CHPT1: variants seen among roughly 807,000 people sequenced by gnomAD.
The protein encoded by CHPT1 is cholinephosphotransferase 1.
CHPT1 carries 36 observed loss-of-function variants against 47.6 expected under a neutral mutation model. The ratio of observed to expected loss-of-function variants is 0.76; its 90% CI spans 0.58 to 1.00. The LOEUF (loss-of-function observed/expected upper bound fraction) is 1.00. Among genes scored for constraint, CHPT1 ranks in the 50% least tolerant of loss-of-function variants. The pLI is 0.00. For missense variants in CHPT1, 458 were observed against 498.1 expected, an observed-to-expected ratio of 0.92 and a Z score of 0.77; for synonymous variants, 194 against 186.3, an observed-to-expected ratio of 1.04 and a Z score of -0.33.
At chr12:101,712,561 C>T (rs1370601877) in intron 1 of CHPT1, among the ~76,000 whole-genome samples, 1 of 148,306 alleles carries the variant, frequency 6.7e-6, no homozygotes, top group Non-Finnish European at 1.5e-5. Context: ...TCTGTTGTCC[C>T]ACCACTCGCC....
In CHPT1 at chr12:101,728,890, A is replaced by G; in HGVS notation, c.1177-11A>G. On this transcript the variant is annotated splice_polypyrimidine_tract_variant and intron_variant, in intron 8 of 8. Coordinates refer to ENST00000229266, the MANE Select transcript of CHPT1 (RefSeq NM_020244.3). ...TCTTAGCTAACGTTATAATTGTATC[A>G]TATTACTTAGGTTCAAGTTCTTTCT... 1 of 1,613,142 alleles carries G rather than the reference A, an allele frequency of 6.2e-7. No individual in the cohort carries two copies. The highest frequency in any genetic ancestry group is 8.5e-7 in the Non-Finnish European group (1 of 1,179,468).
intron 4 of CHPT1, chr12:101,719,662 C>A: frequency 2.7e-6 from 1 of 372,920 alleles, no homozygotes; most frequent in Non-Finnish European, 4.8e-6. Context: ...CTACTAAATT[C>A]AAATGAACTA....
chr12:101,713,796 A>T (rs955053125), intron 1 of CHPT1, among the ~76,000 whole-genome samples: 1 of 152,128 alleles, frequency 6.6e-6, no homozygotes, highest in Non-Finnish European at 1.5e-5. Flanking sequence ...TCTGTGGCAT[A>T]ATGCATAGTA....
chr12:101,713,129 T>C (rs771769563), intron 1 of CHPT1, among the ~76,000 whole-genome samples: 2 of 148,758 alleles, frequency 1.3e-5, no homozygotes, highest in Non-Finnish European at 3.0e-5. Context: ...AATTTATGCC[T>C]GCTGGTAAGG....
chr12:101,717,157 C>A, intron 4 of CHPT1: 2 of 368,852 alleles, frequency 5.4e-6, no homozygotes, highest in Non-Finnish European at 1.1e-5. Flanking sequence ...AAAATAAATC[C>A]AGTAAAATGT....
rs199582822 is a variant in CHPT1 at position 101,716,812 on chromosome 12, G to A, written c.648G>A (p.Thr216=). ...GAGGAGCAACAATGTGGGACTATAC[G>A]GTAAATCTGAATATTTAAATTTATA... The part of the protein sequence containing the change: ...AFGGATMWDY[T]IPILEIKLKI... The change falls in exon 4 of 9, where the codon ACG becomes ACA. Residue 216 remains threonine, a splice_region_variant and synonymous_variant. Coordinates refer to ENST00000229266, the MANE Select transcript of CHPT1 (RefSeq NM_020244.3). 5.2e-6 allele frequency: 8 copies of A among 1,536,974 alleles called. No individual in the cohort carries two copies. Among genetic ancestry groups the A allele is most frequent in the South Asian group, 2.5e-5 (2 of 80,626 alleles).
chr12:101,720,310 C>A, intron 5 of CHPT1, 56 bp downstream of exon 5: 1 of 1,437,550 alleles, frequency 7.0e-7, no homozygotes, highest in Non-Finnish European at 9.5e-7. Context: ...TTCTTATCAC[C>A]AGTTATAAAA....
rs1486548170 is a variant in CHPT1, at chr12:101,728,920, A to C, written c.1196A>C (p.Lys399Thr). 1 of 1,613,386 alleles carries C rather than the reference A, an allele frequency of 6.2e-7. No homozygotes were observed. The change falls in exon 9 of 9, where the codon AAG becomes ACG. Residue 399 changes from lysine (K) to threonine (T), a missense_variant. Lys to Thr is a moderately conservative substitution (Grantham distance 78). Coordinates refer to ENST00000229266, the MANE Select transcript of CHPT1 (RefSeq NM_020244.3). Reference sequence around the variant, plus strand: ...ACTTAGGTTCAAGTTCTTTCTTCAAAGAGTCATCAGAATAACATGGATTGA... The same window carrying C: ...ACTTAGGTTCAAGTTCTTTCTTCAACGAGTCATCAGAATAACATGGATTGA... ...APEQVQVLSS[K>T]SHQNNMD
intron 5 of CHPT1, among the ~76,000 whole-genome samples, chr12:101,722,877 C>T (rs867808801): frequency 1.3e-4 from 20 of 152,138 alleles, no homozygotes; most frequent in Non-Finnish European, 2.2e-4. Context: ...GGACTGCCTT[C>T]GATGTAGTAA....
chr12:101,717,959 A>T (rs1207794912), intron 4 of CHPT1, among the ~76,000 whole-genome samples: 1 of 152,246 alleles, frequency 6.6e-6, no homozygotes, highest in African/African-American at 2.4e-5. Flanking sequence ...CGAGGAACTT[A>T]TGGAGTTCCA....
chr12:101,719,149 G>A (rs113131634), intron 4 of CHPT1, among the ~76,000 whole-genome samples: 235 of 91,928 alleles, frequency 2.6e-3, no homozygotes, highest in African/African-American at 0.011. Flanking sequence ...CAAGAGACTC[G>A]TCTCAAGAAA....
At chr12:101,721,830 G>A (rs1472850907) in intron 5 of CHPT1, among the ~76,000 whole-genome samples, 3 of 152,100 alleles carry the variant, frequency 2.0e-5, no homozygotes, top group Non-Finnish European at 4.4e-5. Flanking sequence ...GGAGGCCGAG[G>A]CGGGCAGATC....
At chr12:101,700,260 A>G (rs553229339) in intron 1 of CHPT1, among the ~76,000 whole-genome samples, 1 of 151,560 alleles carries the variant, frequency 6.6e-6, no homozygotes, top group East Asian at 2.0e-4. Flanking sequence ...CTAGGGAAGT[A>G]AAGGGAGGCC....
chr12:101,714,403 A>G (rs1297414328), intron 2 of CHPT1, 101 bp from the exon 3 acceptor site: 1 of 1,196,400 alleles, frequency 8.4e-7, no homozygotes, highest in Non-Finnish European at 1.2e-6. Context: ...TTTTAATGCC[A>G]TGATTATTTC....
chr12:101,720,474 C>G (rs1166863044), intron 5 of CHPT1, among the ~76,000 whole-genome samples: 1 of 152,170 alleles, frequency 6.6e-6, no homozygotes, highest in Non-Finnish European at 1.5e-5. Context: ...TTTCTGACAT[C>G]TAGTTTCATT....
Position 101,697,960 on chromosome 12 carries a change from C to G in CHPT1, c.99C>G (p.Arg33=). 1 of 1,554,958 alleles carries G rather than the reference C, an allele frequency of 6.4e-7. No individual in the cohort carries two copies. The highest frequency in any genetic ancestry group is 8.6e-7 in the Non-Finnish European group (1 of 1,161,102). ...AAQLRRLEEH[R]YSAAGVSLLE... ...AGCTGCGGCGACTGGAGGAGCACCG[C>G]TACAGCGCGGCGGGCGTCTCGCTGC... Residue 33 remains arginine, a synonymous_variant, in exon 1 of 9, where the codon CGC becomes CGG. Transcript: ENST00000229266.
rs140053199 is a variant in CHPT1, at chr12:101,720,157, C to T, written c.683C>T (p.Pro228Leu). The change falls in exon 5 of 9, where the codon CCA (proline) becomes CTA (leucine). Residue 228 changes from proline to leucine, a missense_variant. Pro to Leu is a moderately conservative substitution (Grantham distance 98, BLOSUM62 -3). Coordinates refer to ENST00000229266, the MANE Select transcript of CHPT1 (RefSeq NM_020244.3). The stretch of plus-strand genomic sequence containing the variant: ...CTAGAAATAAAATTGAAGATCCTTC[C>T]AGTTCTTGGATTTCTAGGTGGAGTA... The part of the protein sequence containing the change: ...PILEIKLKIL[P>L]VLGFLGGVIF... The T allele has an allele frequency of 3.0e-3, 4,788 of 1,596,510 alleles. 14 individuals carry two copies. Among genetic ancestry groups the T allele is most frequent in the Non-Finnish European group, 3.6e-3 (4,249 of 1,168,370 alleles).
chr12:101,699,437 G>A (rs1951518649), intron 1 of CHPT1, among the ~76,000 whole-genome samples: 1 of 149,560 alleles, frequency 6.7e-6, no homozygotes, highest in Non-Finnish European at 1.5e-5. Flanking sequence ...ACCCAGGCTG[G>A]AGGGCAATGT....
At chr12:101,717,923 C>A (rs1185278775) in intron 4 of CHPT1, among the ~76,000 whole-genome samples, 1 of 152,050 alleles carries the variant, frequency 6.6e-6, no homozygotes. Flanking sequence ...AAGAAATGAG[C>A]TATCAAGCCA....
Sources: gnomAD v4.1 joint callset for allele counts (sites outside exome capture counted in the v4.1 genomes callset) on GRCh38, gnomAD v4.1.1 for gene constraint, MANE v1.5 for transcripts, NCBI Gene and HGNC (gene_info 2026-07-23, HGNC 2026-07-21) for gene names.